Variants in TOPAZ1 observed in about 807,000 individuals in gnomAD.
TOPAZ1 encodes the protein protein TOPAZ1.
A neutral mutation model predicts 172.2 loss-of-function variants in TOPAZ1; 66 were observed. The ratio of observed to expected loss-of-function variants is 0.38; its 90% CI spans 0.31 to 0.47. The LOEUF is 0.47. Ranked by LOEUF, TOPAZ1 falls within the 20% of genes least tolerant of loss-of-function variation. The pLI, the probability that TOPAZ1 is intolerant of heterozygous loss-of-function variation, is 0.99. For missense variants in TOPAZ1, 1,822 were observed against 1,972.4 expected (o/e 0.92, Z 1.44); for synonymous variants, 681 against 683.9 (o/e 1.00, Z 0.07).
At chr3:44,278,960 A>G (rs1699993983) in intron 8 of TOPAZ1, among the ~76,000 whole-genome samples, 1 of 152,064 alleles carries the variant, frequency 6.6e-6, no homozygotes, top group African/African-American at 2.4e-5. Context: ...TTTTTAACAT[A>G]GGCATTTAAT....
chr3:44,312,051 A>C (rs1028749033), intron 16 of TOPAZ1, among the ~76,000 whole-genome samples: 13 of 152,166 alleles, frequency 8.5e-5, no homozygotes, highest in African/African-American at 3.1e-4. Flanking sequence ...ATACAAAGGT[A>C]TGCATATTAA....
At chr3:44,325,494 A>G (rs1372885472) in intron 18 of TOPAZ1, among the ~76,000 whole-genome samples, 1 of 152,194 alleles carries the variant, frequency 6.6e-6, no homozygotes, top group Non-Finnish European at 1.5e-5. Context: ...AACCTTGTAC[A>G]CATTAGCATT....
chr3:44,252,085 T>C (rs1699639292), intron 2 of TOPAZ1, among the ~76,000 whole-genome samples: 1 of 152,198 alleles, frequency 6.6e-6, no homozygotes. Flanking sequence ...ATTTTCATAG[T>C]AAAAAGTTTC....
chr3:44,242,443 C>G (rs550279740), intron 1 of TOPAZ1, 44 bp downstream of exon 1: 2 of 1,530,086 alleles, frequency 1.3e-6, no homozygotes, highest in South Asian at 2.4e-5. Context: ...CCTTGTACCT[C>G]AGCGTGCTCC....
At chr3:44,259,029 G>C (rs541646301) in intron 4 of TOPAZ1, among the ~76,000 whole-genome samples, 37 of 152,300 alleles carry the variant, frequency 2.4e-4, no homozygotes, top group African/African-American at 8.4e-4. Flanking sequence ...CAAGTTATAA[G>C]TAGATTTGGG....
At chr3:44,286,644 G>A (rs1422410179) in intron 9 of TOPAZ1, among the ~76,000 whole-genome samples, 3 of 152,038 alleles carry the variant, frequency 2.0e-5, no homozygotes, top group African/African-American at 7.2e-5. Flanking sequence ...TCTAATAGAA[G>A]TAATTAACAC....
At chr3:44,260,742 A>T (rs1234275357) in intron 4 of TOPAZ1, among the ~76,000 whole-genome samples, 1 of 152,056 alleles carries the variant, frequency 6.6e-6, no homozygotes, top group Admixed American at 6.6e-5. Context: ...ATACTCATTT[A>T]TATATTTGAT....
At chr3:44,318,816 T>C (rs1282477576) in intron 16 of TOPAZ1, among the ~76,000 whole-genome samples, 1 of 147,692 alleles carries the variant, frequency 6.8e-6, no homozygotes, top group East Asian at 1.9e-4. Flanking sequence ...TATTTATATA[T>C]AATATATATT....
At chr3:44,269,083 A>C in intron 6 of TOPAZ1, 133 bp from the exon 7 acceptor site, 1 of 648,894 alleles carries the variant, frequency 1.5e-6, no homozygotes. Context: ...ACATGGCAGC[A>C]CAGTCTGTGA....
At chr3:44,281,830 C>A in intron 8 of TOPAZ1, 138 bp from the exon 9 acceptor site, 1 of 550,846 alleles carries the variant, frequency 1.8e-6, no homozygotes, top group Non-Finnish European at 3.2e-6. Context: ...GTGAGTTAAC[C>A]AAACATCAGC....
At chr3:44,242,444 A>C in intron 1 of TOPAZ1, 45 bp downstream of exon 1, 60 of 1,527,258 alleles carry the variant, frequency 3.9e-5, no homozygotes, top group Non-Finnish European at 4.6e-5. Context: ...CTTGTACCTC[A>C]GCGTGCTCCA....
intron 16 of TOPAZ1, among the ~76,000 whole-genome samples, chr3:44,319,258 C>T (rs1312995938): frequency 2.6e-5 from 4 of 152,136 alleles, no homozygotes; most frequent in Admixed American, 2.6e-4. Flanking sequence ...AAAACCCAGA[C>T]AGGGAGATGA....
At chr3:44,259,894 G>A (rs907662029) in intron 4 of TOPAZ1, among the ~76,000 whole-genome samples, 9 of 152,062 alleles carry the variant, frequency 5.9e-5, no homozygotes, top group East Asian at 1.9e-4. Flanking sequence ...TGGTTTGGCC[G>A]TGGTCCCACC....
Position 44,323,237 on chromosome 3 carries a change from A to G in TOPAZ1, c.4617A>G (p.Arg1539=). The change falls in exon 18 of 20, where the codon AGA becomes AGG. Residue 1539 remains arginine (R), a synonymous_variant. Transcript: ENST00000309765. ...CTATTGATTTTTCCTTTCTCAGAAG[A>G]TTAATTACTTCTTTAGGAAGGAGTC... ...SIPIDFSFLR[R]LITSLGRSRL... 1 of 1,550,622 alleles carries G rather than the reference A, an allele frequency of 6.4e-7. No individual in the cohort carries two copies.
intron 2 of TOPAZ1, among the ~76,000 whole-genome samples, chr3:44,248,903 C>G (rs1699597170): frequency 1.3e-5 from 2 of 152,120 alleles, no homozygotes; most frequent in Admixed American, 1.3e-4. Flanking sequence ...TGGAAGGTGT[C>G]TAAGTCATGA....
At chr3:44,246,055 T>G (rs974181321) in intron 2 of TOPAZ1, among the ~76,000 whole-genome samples, 10 of 152,198 alleles carry the variant, frequency 6.6e-5, no homozygotes, top group Admixed American at 6.5e-4. Context: ...AAATTTTTAT[T>G]TGAAGTAATT....
At chr3:44,257,847 T>G (rs35225847) in intron 4 of TOPAZ1, among the ~76,000 whole-genome samples, 6,241 of 152,240 alleles carry the variant, frequency 0.041, 197 homozygotes, top group Non-Finnish European at 0.059. Context: ...CAAAGAGCTA[T>G]TCCATCACCA....
intron 2 of TOPAZ1, among the ~76,000 whole-genome samples, chr3:44,248,077 G>T (rs1452052311): frequency 6.6e-6 from 1 of 152,180 alleles, no homozygotes; most frequent in African/African-American, 2.4e-5. Context: ...CTAAGAGCAG[G>T]TTGTCTGTGT....
At chr3:44,271,250 C>G (rs1699895137) in intron 8 of TOPAZ1, among the ~76,000 whole-genome samples, 1 of 152,118 alleles carries the variant, frequency 6.6e-6, no homozygotes. Context: ...AGGGGTTTTA[C>G]CAAATTACAC....
Sources: gnomAD v4.1 joint callset for allele counts (sites outside exome capture counted in the v4.1 genomes callset) on GRCh38, gnomAD v4.1.1 for gene constraint, MANE v1.5 for transcripts, NCBI Gene and HGNC (gene_info 2026-07-23, HGNC 2026-07-21) for gene names.